CEP128: variants seen among roughly 807,000 people sequenced by gnomAD.
CEP128 encodes the protein centrosomal protein 128, also known as centrosomal protein 128kDa.
A neutral mutation model predicts 156.7 loss-of-function variants in CEP128; 132 were observed. The ratio of observed to expected loss-of-function variants is 0.84; its 90% CI spans 0.73 to 0.97. CEP128 has a LOEUF of 0.97. CEP128 is among the 50% of genes least tolerant of loss of function. CEP128 has a pLI of 0.00. For synonymous variants in CEP128, 469 were observed against 448.9 expected (o/e 1.04, Z -0.57); for missense variants, 1,252 against 1,281.9 (o/e 0.98, Z 0.36).
chr14:80,591,170 A>G (rs1317211929), intron 19 of CEP128, among the ~76,000 whole-genome samples: 1 of 152,204 alleles, frequency 6.6e-6, no homozygotes, highest in East Asian at 1.9e-4. Flanking sequence ...TTAACCTTAA[A>G]TGTAAATGGG....
At position 80,658,240 on chromosome 14, in the gene CEP128, G is replaced by A. The variant is rs189258573; in HGVS notation, c.2807-77817C>T. Among the ~76,000 whole-genome samples, 59 of 152,224 alleles carry A rather than the reference G, an allele frequency of 3.9e-4. No homozygotes were observed. In the East Asian group the frequency reaches 0.01, roughly 27 times the overall value. On this transcript the variant is annotated intron_variant, in intron 19 of 24. Transcript: ENST00000555265. Reference sequence around the variant, plus strand: ...GCAACTATGGAAGGATTATGGTAGGGGATATAGAAAATGATAGGGAGAGGA... The same window carrying A: ...GCAACTATGGAAGGATTATGGTAGGAGATATAGAAAATGATAGGGAGAGGA...
chr14:80,955,646 G>A, intron 2 of CEP128: 32 of 1,612,540 alleles, frequency 2.0e-5, no homozygotes, highest in Non-Finnish European at 2.6e-5. Flanking sequence ...AGGCGATTTC[G>A]GAGGATGGAG....
At chr14:80,561,275 A>G (rs561758489) in intron 20 of CEP128, among the ~76,000 whole-genome samples, 79 of 152,356 alleles carry the variant, frequency 5.2e-4, no homozygotes, top group African/African-American at 1.8e-3. Context: ...TTTTGTTGGC[A>G]TAGTTAAGAG....
intron 19 of CEP128, among the ~76,000 whole-genome samples, chr14:80,583,425 T>C (rs895645694): frequency 1.3e-5 from 2 of 152,208 alleles, no homozygotes; most frequent in Admixed American, 1.3e-4. Context: ...GAGGCCTAAC[T>C]AACCTTTCCT....
intron 13 of CEP128, among the ~76,000 whole-genome samples, chr14:80,813,281 C>T (rs1038825446): frequency 6.6e-6 from 1 of 152,148 alleles, no homozygotes; most frequent in Non-Finnish European, 1.5e-5. Context: ...GTCATGAAGT[C>T]TTTGCCAGGG....
intron 8 of CEP128, among the ~76,000 whole-genome samples, chr14:80,872,571 A>G (rs2139265170): frequency 6.6e-6 from 1 of 152,332 alleles, no homozygotes; most frequent in Non-Finnish European, 1.5e-5. Context: ...TAGAAAGTGA[A>G]ATTGGCAAGA....
At chr14:80,912,815 G>A (rs554220714) in intron 4 of CEP128, among the ~76,000 whole-genome samples, 2 of 151,988 alleles carry the variant, frequency 1.3e-5, no homozygotes, top group Non-Finnish European at 2.9e-5. Context: ...TGGGAGTTAC[G>A]TGACAATTCA....
rs566240494 is a variant in CEP128 at position 80,516,705 on chromosome 14, T to C, written c.3072+10164A>G. Among the ~76,000 whole-genome samples the C allele has an allele frequency of 2.6e-5, 4 of 152,266 alleles. No homozygotes were observed. The East Asian group carries it at 5.8e-4, about 22-fold the overall frequency. On this transcript the variant is annotated intron_variant, in intron 23 of 24. Transcript: ENST00000555265. ...GACTAAATTCTGCCTTGTGTTGCTT[T>C]CCACTGTGACAGGGTAGCACTGAGT...
intron 19 of CEP128, among the ~76,000 whole-genome samples, chr14:80,689,897 G>A (rs546469038): frequency 1.3e-5 from 2 of 152,074 alleles, no homozygotes; most frequent in South Asian, 4.2e-4. Flanking sequence ...TCACAAACTA[G>A]TATCTCTTAT....
At chr14:80,638,266 T>A (rs561931397) in intron 19 of CEP128, among the ~76,000 whole-genome samples, 2 of 152,344 alleles carry the variant, frequency 1.3e-5, no homozygotes, top group South Asian at 2.1e-4. Context: ...ATTCTCTGAA[T>A]ACTTTAGGCC....
intron 14 of CEP128, among the ~76,000 whole-genome samples, chr14:80,790,415 G>C (rs1901642887): frequency 6.6e-6 from 1 of 152,020 alleles, no homozygotes; most frequent in Non-Finnish European, 1.5e-5. Flanking sequence ...AAGAAAAAGA[G>C]AAGCAAAAAT....
At chr14:80,540,205 C>T (rs557640744) in intron 21 of CEP128, among the ~76,000 whole-genome samples, 3 of 150,518 alleles carry the variant, frequency 2.0e-5, no homozygotes, top group East Asian at 2.0e-4. Flanking sequence ...ACACCCCCCC[C>T]CCTTTTGAAA....
rs191802583 is a variant in CEP128 at position 80,897,865 on chromosome 14, C to A, written c.572+2073G>T. Among the ~76,000 whole-genome samples the A allele has an allele frequency of 3.3e-3, 508 of 152,220 alleles. 4 individuals carry two copies. The highest frequency in any genetic ancestry group is 5.2e-3 in the Non-Finnish European group (351 of 68,010). On this transcript the variant is annotated intron_variant, in intron 7 of 24. Transcript: ENST00000555265. ...TCATCTCAGCTCAATGCAGCTTCAA[C>A]CTCCTGGGCTCAAGCAATCCTCCCA...
chr14:80,698,193 A>G (rs1455846849), intron 19 of CEP128, among the ~76,000 whole-genome samples: 1 of 152,050 alleles, frequency 6.6e-6, no homozygotes, highest in East Asian at 1.9e-4. Flanking sequence ...CATAGTACCT[A>G]CCTCTGAGAG....
chr14:80,908,186 C>T (rs966269208), intron 4 of CEP128, among the ~76,000 whole-genome samples: 51 of 151,800 alleles, frequency 3.4e-4, no homozygotes, highest in African/African-American at 1.1e-3. Flanking sequence ...ATCCCATTTC[C>T]GACCCACAGA....
chr14:80,493,220 G>A (rs1050021304), downstream of CEP128, among the ~76,000 whole-genome samples: 7 of 152,140 alleles, frequency 4.6e-5, no homozygotes, highest in Admixed American at 2.0e-4. Context: ...GAGAGCATTC[G>A]TCCAGAGAAT....
chr14:80,682,070 T>C (rs1025827149), intron 19 of CEP128, among the ~76,000 whole-genome samples: 1 of 152,094 alleles, frequency 6.6e-6, no homozygotes, highest in Non-Finnish European at 1.5e-5. Context: ...ATCATGCCAC[T>C]GCACTGCAGC....
intron 13 of CEP128, among the ~76,000 whole-genome samples, chr14:80,828,414 T>C (rs12897928): frequency 0.13 from 19,510 of 152,178 alleles, 1,665 homozygotes; most frequent in East Asian, 0.44. Context: ...TGAGCCACTG[T>C]GCCTGGCCCC....
intron 19 of CEP128, among the ~76,000 whole-genome samples, chr14:80,659,395 T>C (rs1173827888): frequency 6.6e-6 from 1 of 152,200 alleles, no homozygotes; most frequent in Non-Finnish European, 1.5e-5. Context: ...AAGTGTATGC[T>C]TCCTGAGTAC....
Sources: allele counts gnomAD v4.1 joint callset (sites outside exome capture counted in the v4.1 genomes callset), GRCh38; gene constraint gnomAD v4.1.1; transcripts MANE v1.5; gene names NCBI Gene and HGNC (gene_info 2026-07-23, HGNC 2026-07-21).